The following MGAT4C variants were observed in gnomAD, a reference collection of about 807,000 sequenced individuals.
The protein encoded by MGAT4C is MGAT4 family member C.
A neutral mutation model predicts 40.1 loss-of-function variants in MGAT4C; 19 were observed. That is an observed-to-expected ratio of 0.47 (90% CI 0.33 to 0.70). MGAT4C has a LOEUF of 0.70. Ranked by LOEUF, MGAT4C falls within the 30% of genes least tolerant of loss-of-function variation. The pLI, the probability that MGAT4C is intolerant of heterozygous loss-of-function variation, is 0.02. For synonymous variants in MGAT4C, 181 were observed against 187.1 expected, an observed-to-expected ratio of 0.97 and a Z score of 0.27; for missense variants, 491 against 563.2, an observed-to-expected ratio of 0.87 and a Z score of 1.30.
chr12:86,836,207 T>G (rs899143121), intron 1 of MGAT4C, among the ~76,000 whole-genome samples: 1 of 152,144 alleles, frequency 6.6e-6, no homozygotes, highest in Non-Finnish European at 1.5e-5. Context: ...TAAAGGAGAA[T>G]TTGAAAACAA....
intron 2 of MGAT4C, among the ~76,000 whole-genome samples, chr12:86,459,982 G>T: frequency 6.6e-6 from 1 of 151,870 alleles, no homozygotes; most frequent in South Asian, 2.1e-4. Flanking sequence ...ATATTTTATA[G>T]TATTCAGACA....
chr12:86,346,442 C>G (rs977919609), intron 3 of MGAT4C, among the ~76,000 whole-genome samples: 48 of 152,242 alleles, frequency 3.2e-4, no homozygotes, highest in Non-Finnish European at 2.9e-4. Flanking sequence ...CCAGGCTGGT[C>G]TCGAACTCCT....
chr12:86,181,487 A>T (rs1395971640), intron 1 of MGAT4C, among the ~76,000 whole-genome samples: 1 of 152,204 alleles, frequency 6.6e-6, no homozygotes, highest in Non-Finnish European at 1.5e-5. Flanking sequence ...TAGTATATAA[A>T]ACTATTCATT....
At chr12:86,262,652 T>C (rs1438706666) in intron 4 of MGAT4C, among the ~76,000 whole-genome samples, 1 of 152,078 alleles carries the variant, frequency 6.6e-6, no homozygotes, top group Non-Finnish European at 1.5e-5. Flanking sequence ...ATTTTTAGAG[T>C]ACATTCATAT....
chr12:86,063,493 C>A (rs1894201806), intron 1 of MGAT4C, among the ~76,000 whole-genome samples: 2 of 152,246 alleles, frequency 1.3e-5, no homozygotes, highest in South Asian at 4.2e-4. Flanking sequence ...CAGCTAGCAT[C>A]ATAATGACAG....
At chr12:86,390,573 G>A (rs1189065822) in intron 3 of MGAT4C, among the ~76,000 whole-genome samples, 1 of 152,056 alleles carries the variant, frequency 6.6e-6, no homozygotes, top group Non-Finnish European at 1.5e-5. Flanking sequence ...CATTTGAGAA[G>A]AAACTTAAAA....
intron 1 of MGAT4C, among the ~76,000 whole-genome samples, chr12:86,072,586 A>G (rs537540414): frequency 2.0e-4 from 30 of 152,114 alleles, no homozygotes; most frequent in Non-Finnish European, 3.4e-4. Context: ...ATTTTAAACA[A>G]CGAAGCAAAG....
At chr12:86,734,055 G>GATC (rs1193699433) in intron 1 of MGAT4C, among the ~76,000 whole-genome samples, 1 of 152,082 alleles carries the variant, frequency 6.6e-6, no homozygotes, top group African/African-American at 2.4e-5. Context: ...GAATATGTAG[G>GATC]ATCTGGCAAC....
intron 1 of MGAT4C, among the ~76,000 whole-genome samples, chr12:86,200,286 T>C (rs1011020117): frequency 6.6e-6 from 1 of 152,046 alleles, no homozygotes; most frequent in Admixed American, 6.6e-5. Context: ...AATTATTCTA[T>C]TAATGAACAC....
At chr12:86,639,102 G>T (rs913523172) in intron 2 of MGAT4C, among the ~76,000 whole-genome samples, 1 of 151,582 alleles carries the variant, frequency 6.6e-6, no homozygotes, top group African/African-American at 2.4e-5. Context: ...TTAAATTCCA[G>T]CCTCTTCACC....
chr12:86,689,714 TGCCA>T (rs1421433344), intron 2 of MGAT4C, among the ~76,000 whole-genome samples: 2 of 152,128 alleles, frequency 1.3e-5, no homozygotes, highest in Admixed American at 1.3e-4. Flanking sequence ...ACCCGCCAGA[TGCCA>T]GCCAGAGCTC....
At chr12:86,612,193 C>T (rs1308708546) in intron 2 of MGAT4C, among the ~76,000 whole-genome samples, 1 of 152,040 alleles carries the variant, frequency 6.6e-6, no homozygotes, top group Non-Finnish European at 1.5e-5. Flanking sequence ...TACTTGAATG[C>T]ATTATGCTAC....
chr12:86,806,313 C>T (rs1021888904), intron 1 of MGAT4C, among the ~76,000 whole-genome samples: 1 of 151,916 alleles, frequency 6.6e-6, no homozygotes, highest in African/African-American at 2.4e-5. Flanking sequence ...CCTGTGTACA[C>T]TTTATCCAGT....
chr12:86,146,520 C>T (rs993493312), intron 1 of MGAT4C, among the ~76,000 whole-genome samples: 1 of 152,044 alleles, frequency 6.6e-6, no homozygotes, highest in African/African-American at 2.4e-5. Flanking sequence ...ATGTTATCTA[C>T]TGGTTTCTTT....
At chr12:86,194,786 C>A (rs1015106928) in intron 1 of MGAT4C, among the ~76,000 whole-genome samples, 1 of 152,078 alleles carries the variant, frequency 6.6e-6, no homozygotes, top group Non-Finnish European at 1.5e-5. Flanking sequence ...TTTTTATCAG[C>A]CTGTGATAAG....
At chr12:86,463,590 A>G (rs1364021514) in intron 2 of MGAT4C, among the ~76,000 whole-genome samples, 1 of 152,154 alleles carries the variant, frequency 6.6e-6, no homozygotes, top group Non-Finnish European at 1.5e-5. Flanking sequence ...TTCAGGGTAT[A>G]TCTTCCCTGA....
At chr12:86,497,964 T>C (rs1958272459) in intron 2 of MGAT4C, among the ~76,000 whole-genome samples, 1 of 145,098 alleles carries the variant, frequency 6.9e-6, no homozygotes, top group Admixed American at 7.1e-5. Flanking sequence ...ATATATATTA[T>C]AAATATATAT....
intron 1 of MGAT4C, among the ~76,000 whole-genome samples, chr12:86,812,425 T>G (rs1382759211): frequency 3.9e-5 from 6 of 152,052 alleles, no homozygotes; most frequent in Non-Finnish European, 5.9e-5. Context: ...GTGGATTTGT[T>G]TTTTACTTTT....
At chr12:86,341,189 G>C (rs918432859) in intron 3 of MGAT4C, among the ~76,000 whole-genome samples, 3 of 152,068 alleles carry the variant, frequency 2.0e-5, no homozygotes, top group African/African-American at 7.2e-5. Context: ...CAGCAACATG[G>C]AGTCAGGGGA....
Sources: allele counts gnomAD v4.1 joint callset (sites outside exome capture counted in the v4.1 genomes callset), GRCh38; gene constraint gnomAD v4.1.1; transcripts MANE v1.5; gene names NCBI Gene and HGNC (gene_info 2026-07-23, HGNC 2026-07-21).